Variants in SEMA3D observed in about 807,000 individuals in gnomAD.
SEMA3D encodes semaphorin-3D.
In SEMA3D, 84 loss-of-function variants were observed where a neutral mutation model predicts 100.1. That is an observed-to-expected ratio of 0.84 (90% CI 0.70 to 1.01). SEMA3D has a LOEUF of 1.01. SEMA3D is among the 50% of genes least tolerant of loss of function. SEMA3D has a pLI of 0.00. For missense variants in SEMA3D, 875 were observed against 934.1 expected (o/e 0.94, Z 0.82); for synonymous variants, 312 against 320.7 (o/e 0.97, Z 0.29).
At chr7:85,038,711 A>C (rs1790772104) in intron 11 of SEMA3D, among the ~76,000 whole-genome samples, 1 of 152,192 alleles carries the variant, frequency 6.6e-6, no homozygotes, top group Non-Finnish European at 1.5e-5. Context: ...CAAGAGAACT[A>C]GGATTGAGAT....
intron 1 of SEMA3D, among the ~76,000 whole-genome samples, chr7:85,167,017 G>C (rs1031114575): frequency 6.6e-6 from 1 of 151,854 alleles, no homozygotes; most frequent in Non-Finnish European, 1.5e-5. Context: ...AACTTTAATT[G>C]AAAAAATGTC....
intron 1 of SEMA3D, among the ~76,000 whole-genome samples, chr7:85,161,850 G>A (rs746257681): frequency 4.6e-5 from 7 of 151,994 alleles, no homozygotes; most frequent in South Asian, 2.1e-4. Context: ...TCACAGTGCC[G>A]CATACAAATA....
chr7:85,089,498 T>G (rs577957132), intron 4 of SEMA3D, among the ~76,000 whole-genome samples: 3 of 152,156 alleles, frequency 2.0e-5, no homozygotes, highest in African/African-American at 7.2e-5. Context: ...TTGAAGACAC[T>G]ATGAGCATGA....
chr7:85,154,321 C>T (rs1396108178), intron 1 of SEMA3D, among the ~76,000 whole-genome samples: 1 of 152,030 alleles, frequency 6.6e-6, no homozygotes, highest in Non-Finnish European at 1.5e-5. Flanking sequence ...TAGTGGTTGA[C>T]AACATTTACC....
intron 2 of SEMA3D, among the ~76,000 whole-genome samples, chr7:85,136,314 G>A (rs762739310): frequency 6.6e-6 from 1 of 152,060 alleles, no homozygotes; most frequent in Non-Finnish European, 1.5e-5. Flanking sequence ...ATAAAATCAA[G>A]ATTTCTCCTT....
intron 3 of SEMA3D, among the ~76,000 whole-genome samples, chr7:85,115,234 T>G (rs958051118): frequency 6.6e-6 from 1 of 152,174 alleles, no homozygotes; most frequent in Non-Finnish European, 1.5e-5. Flanking sequence ...GTAAGTAGAC[T>G]GGGGTTGACT....
intron 2 of SEMA3D, among the ~76,000 whole-genome samples, chr7:85,131,624 A>G (rs1789726350): frequency 6.6e-6 from 1 of 152,020 alleles, no homozygotes; most frequent in Admixed American, 6.6e-5. Flanking sequence ...ACTAGTTTCT[A>G]AAGGGGAAAA....
chr7:85,206,104 A>G, the SEMA3D span, among the ~76,000 whole-genome samples: 2 of 152,070 alleles, frequency 1.3e-5, no homozygotes, highest in Non-Finnish European at 1.5e-5. Context: ...GAGATCACTG[A>G]GTTGATGTGA....
the SEMA3D span, among the ~76,000 whole-genome samples, chr7:85,239,665 T>G: frequency 6.6e-6 from 1 of 152,164 alleles, no homozygotes; most frequent in Non-Finnish European, 1.5e-5. Flanking sequence ...GGAACTGTAC[T>G]CACAAACGTT....
chr7:85,006,727 G>T, intron 18 of SEMA3D, 75 bp downstream of exon 18: 3 of 1,209,560 alleles, frequency 2.5e-6, no homozygotes, highest in Non-Finnish European at 3.4e-6. Context: ...GTAGCATACA[G>T]AATTAAAAGT....
rs1317955396 is a variant in SEMA3D, at chr7:84,997,077, G to C, written c.*2363C>G. ...TTTAACTAATTATCATAAATCAAGA[G>C]TATTGTATCCAAAGCAGCCAGAATA... is the stretch of plus-strand genomic sequence containing the variant. On this transcript the variant is annotated 3_prime_UTR_variant, in exon 19 of 19. Coordinates refer to ENST00000284136, the MANE Select transcript of SEMA3D (RefSeq NM_001384900.1). The C allele has an allele frequency of 6.6e-6, 1 of 151,740 alleles. No individual in the cohort carries two copies. The highest frequency in any genetic ancestry group is 1.5e-5 in the Non-Finnish European group (1 of 67,862). The allele number at this position is 151,740 out of a possible 1,614,324, so 9.4% of individuals were successfully genotyped here.
At position 85,081,580 on chromosome 7, in the gene SEMA3D, C is replaced by T; in HGVS notation, c.313-1G>A. The T allele has an allele frequency of 6.2e-7, 1 of 1,608,264 alleles. No individual in the cohort carries two copies. The highest frequency in any genetic ancestry group is 8.5e-7 in the Non-Finnish European group (1 of 1,175,080). ...GTTCCTTTGCAGCAGGCCAATAAAT[C>T]TGCAAAACATTTCAAAGTATGTTAC... On this transcript the variant is annotated splice_acceptor_variant, in intron 4 of 18. Transcript: ENST00000284136. LOFTEE classifies it high-confidence loss of function.
chr7:85,054,896 T>C (rs1005096020), intron 9 of SEMA3D, among the ~76,000 whole-genome samples: 2 of 152,110 alleles, frequency 1.3e-5, no homozygotes. Flanking sequence ...AGTATGATTC[T>C]AGTAGCAACA....
chr7:85,163,976 T>C (rs940680904), intron 1 of SEMA3D, among the ~76,000 whole-genome samples: 5 of 152,156 alleles, frequency 3.3e-5, no homozygotes, highest in Non-Finnish European at 5.9e-5. Context: ...CAATAATAAG[T>C]AATAATCACC....
intron 9 of SEMA3D, among the ~76,000 whole-genome samples, chr7:85,049,742 C>G (rs1791107993): frequency 6.6e-6 from 1 of 151,684 alleles, no homozygotes; most frequent in Admixed American, 6.6e-5. Context: ...CAGTAATTGT[C>G]CAAATAGGAC....
chr7:85,106,841 A>AT (rs1172800337), intron 3 of SEMA3D, among the ~76,000 whole-genome samples: 4 of 152,062 alleles, frequency 2.6e-5, no homozygotes, highest in Admixed American at 2.6e-4. Context: ...TTATAAAACC[A>AT]TCAGACCTCA....
chr7:85,106,663 G>A (rs1268770806), intron 3 of SEMA3D, among the ~76,000 whole-genome samples: 4 of 151,972 alleles, frequency 2.6e-5, no homozygotes, highest in South Asian at 2.1e-4. Context: ...TCAAACTGCT[G>A]TGAAGAAATA....
At chr7:85,201,279 G>A in the SEMA3D span, among the ~76,000 whole-genome samples, 1 of 152,120 alleles carries the variant, frequency 6.6e-6, no homozygotes, top group African/African-American at 2.4e-5. Flanking sequence ...TGTGCTTTCT[G>A]AAAACTACTA....
At chr7:85,203,989 G>T in the SEMA3D span, among the ~76,000 whole-genome samples, 1 of 151,974 alleles carries the variant, frequency 6.6e-6, no homozygotes, top group African/African-American at 2.4e-5. Context: ...AATGACCCAT[G>T]GAATGAGGGG....
Sources: allele counts gnomAD v4.1 joint callset (sites outside exome capture counted in the v4.1 genomes callset), GRCh38; gene constraint gnomAD v4.1.1; transcripts MANE v1.5; gene names NCBI Gene and HGNC (gene_info 2026-07-23, HGNC 2026-07-21).